The following PAX5 variants were observed in gnomAD, a reference collection of about 807,000 sequenced individuals.
PAX5 encodes the protein paired box protein Pax-5.
Under a neutral mutation model 43.7 loss-of-function variants are expected in PAX5, and 9 were observed. The observed-to-expected ratio is 0.21, with a 90% CI of 0.12 to 0.36. The LOEUF is 0.36. PAX5 is among the 10% of genes least tolerant of loss of function. The pLI, the probability that PAX5 is intolerant of heterozygous loss-of-function variation, is 1.00. For missense variants in PAX5, 383 were observed against 532.7 expected (o/e 0.72, Z 2.77); for synonymous variants, 228 against 214.3 (o/e 1.06, Z -0.56).
chr9:36,900,935 G>A (rs1264730170), intron 7 of PAX5, among the ~76,000 whole-genome samples: 2 of 10,838 alleles, frequency 1.8e-4, no homozygotes, highest in Non-Finnish European at 4.6e-3. Flanking sequence ...CCAACCAGGG[G>A]AGCATCGTTG....
intron 7 of PAX5, among the ~76,000 whole-genome samples, chr9:36,898,807 G>T (rs1015019707): frequency 3.3e-5 from 5 of 152,096 alleles, no homozygotes; most frequent in Non-Finnish European, 7.4e-5. Context: ...TGGGCAAGAA[G>T]GCCTGGCCCG....
chr9:36,969,293 C>T (rs529523981), intron 5 of PAX5, among the ~76,000 whole-genome samples: 1 of 152,332 alleles, frequency 6.6e-6, no homozygotes, highest in South Asian at 2.1e-4. Context: ...CTCAACTCTG[C>T]CCCTCTAGGG....
At chr9:36,966,512 G>C (rs201734172) in intron 6 of PAX5, 37 bp downstream of exon 6, 2 of 1,593,610 alleles carry the variant, frequency 1.3e-6, no homozygotes, top group Non-Finnish European at 1.7e-6. Context: ...CCGGTGTGGC[G>C]GTGGCAGGTG....
At chr9:36,893,733 G>T (rs541678852) in intron 7 of PAX5, among the ~76,000 whole-genome samples, 2 of 152,238 alleles carry the variant, frequency 1.3e-5, no homozygotes, top group African/African-American at 4.8e-5. Context: ...CCCAAGCCGC[G>T]ATAGTCTGGG....
intron 6 of PAX5, among the ~76,000 whole-genome samples, chr9:36,950,918 C>G (rs757393034): frequency 6.6e-6 from 1 of 151,744 alleles, no homozygotes; most frequent in Non-Finnish European, 1.5e-5. Flanking sequence ...TTTTTTGTAT[C>G]TTTAGTAGAG....
At chr9:37,016,074 C>G (rs959458932) in intron 2 of PAX5, among the ~76,000 whole-genome samples, 2 of 152,218 alleles carry the variant, frequency 1.3e-5, no homozygotes, top group Non-Finnish European at 2.9e-5. Flanking sequence ...AGGTCCTGAT[C>G]TACAGGTATA....
intron 8 of PAX5, among the ~76,000 whole-genome samples, chr9:36,871,924 T>C (rs943766323): frequency 1.3e-5 from 2 of 152,366 alleles, no homozygotes; most frequent in African/African-American, 4.8e-5. Flanking sequence ...GCAATGGGGT[T>C]GTGAGAAATA....
chr9:37,004,735 CT>C (rs1470531367), intron 4 of PAX5, among the ~76,000 whole-genome samples: 1 of 152,226 alleles, frequency 6.6e-6, no homozygotes, highest in Non-Finnish European at 1.5e-5. Context: ...TCACTTGGTA[CT>C]TTAAACAACA....
At chr9:37,020,898 C>T (rs1839792209) in intron 1 of PAX5, 97 bp from the exon 2 acceptor site, 3 of 1,318,818 alleles carry the variant, frequency 2.3e-6, no homozygotes, top group Non-Finnish European at 3.2e-6. Flanking sequence ...CCTCTGATCA[C>T]AAATGGCCGG....
chr9:36,878,728 T>G (rs1180233586), intron 8 of PAX5, among the ~76,000 whole-genome samples: 1 of 152,124 alleles, frequency 6.6e-6, no homozygotes, highest in African/African-American at 2.4e-5. Context: ...CCGGGGGTAG[T>G]GTCTGCAAAA....
At chr9:36,886,810 T>C (rs112456355) in intron 7 of PAX5, among the ~76,000 whole-genome samples, 1,911 of 152,336 alleles carry the variant, frequency 0.013, 35 homozygotes, top group African/African-American at 0.044. Context: ...ATTCCTCCTA[T>C]TAATGGCACG....
chr9:36,877,906 A>G (rs1826062158), intron 8 of PAX5, among the ~76,000 whole-genome samples: 1 of 152,192 alleles, frequency 6.6e-6, no homozygotes, highest in East Asian at 1.9e-4. Flanking sequence ...CTAAATGCAT[A>G]TGTATCCCTA....
rs114953217 is a variant in PAX5, at chr9:36,866,909, A to G, written c.1012+15095T>C. ...CACACAGGCACAGCCCAATCTACAC[A>G]GGGCTAACAGCCTTCAAAGCTTCTC... On this transcript the variant is annotated intron_variant, in intron 8 of 9. Coordinates refer to ENST00000358127, the MANE Select transcript of PAX5 (RefSeq NM_016734.3). Among the ~76,000 whole-genome samples the G allele has an allele frequency of 4.8e-3, 729 of 152,240 alleles. 3 individuals are homozygous for G. The highest frequency in any genetic ancestry group is 0.017 in the African/African-American group (699 of 41,562).
intron 5 of PAX5, among the ~76,000 whole-genome samples, chr9:37,000,999 C>T (rs1281672965): frequency 1.3e-5 from 2 of 152,226 alleles, no homozygotes; most frequent in Non-Finnish European, 2.9e-5. Context: ...GACACAATCC[C>T]ATTTGTCACC....
chr9:36,954,542 A>C (rs73455461), intron 6 of PAX5, among the ~76,000 whole-genome samples: 1 of 152,176 alleles, frequency 6.6e-6, no homozygotes, highest in Non-Finnish European at 1.5e-5. Flanking sequence ...ACACTCGAAG[A>C]TATTTTCTGT....
chr9:37,026,698 T>C, intron 1 of PAX5: 2 of 1,299,344 alleles, frequency 1.5e-6, no homozygotes, highest in Non-Finnish European at 2.0e-6. Context: ...CAGAAAACAC[T>C]GCTGGAGCTT....
chr9:36,898,538 G>A (rs569756266), intron 7 of PAX5, among the ~76,000 whole-genome samples: 27 of 152,248 alleles, frequency 1.8e-4, no homozygotes, highest in Admixed American at 7.2e-4. Context: ...GAAGCTCACC[G>A]GGCAGGAGGA....
At chr9:36,996,043 G>A (rs1021486337) in intron 5 of PAX5, among the ~76,000 whole-genome samples, 8 of 152,216 alleles carry the variant, frequency 5.3e-5, no homozygotes, top group East Asian at 1.9e-4. Context: ...TGGATGCCCC[G>A]GGCTCCCGGC....
intron 9 of PAX5, among the ~76,000 whole-genome samples, chr9:36,840,994 A>T (rs961160569): frequency 1.2e-4 from 19 of 152,358 alleles, no homozygotes; most frequent in Non-Finnish European, 4.4e-5. Flanking sequence ...TAGTTGCAAC[A>T]GAGACACTGT....
Sources: gnomAD v4.1 joint callset for allele counts (sites outside exome capture counted in the v4.1 genomes callset) on GRCh38, gnomAD v4.1.1 for gene constraint, MANE v1.5 for transcripts, NCBI Gene and HGNC (gene_info 2026-07-23, HGNC 2026-07-21) for gene names.